The following PXDN variants were observed in gnomAD, a reference collection of about 807,000 sequenced individuals.
The protein encoded by PXDN is peroxidasin homolog.
Under a neutral mutation model 140.3 loss-of-function variants are expected in PXDN, and 77 were observed. That is an observed-to-expected ratio of 0.55 (90% confidence interval 0.46 to 0.66). PXDN has a LOEUF of 0.66. PXDN is among the 30% of genes least tolerant of loss of function. The pLI is 0.00. For synonymous variants in PXDN, 911 were observed against 857.4 expected (o/e 1.06, Z -1.09); for missense variants, 1,838 against 2,039.5 (o/e 0.90, Z 1.90).
intron 1 of PXDN, among the ~76,000 whole-genome samples, chr2:1,702,989 G>GGGTGGGCAACTCCAGGTGAA (rs1684473186): frequency 7.6e-5 from 8 of 104,954 alleles, no homozygotes; most frequent in African/African-American, 3.2e-4. Context: ...TCCAGGTGAA[G>GGGTGGGCAACTCCAGGTGAA]GGGGGGACAA....
Position 1,643,482 on chromosome 2 carries a change from T to A in PXDN, c.3838A>T (p.Asn1280Tyr), listed in dbSNP as rs774542319. The change falls in exon 19 of 23, where the codon AAC becomes TAC. Residue 1280 changes from asparagine to tyrosine, a missense_variant. Transcript: ENST00000252804. ...LARILCDNAD[N>Y]ITRVQSDVFR... The stretch of plus-strand genomic sequence containing the variant: ...ACGTCGCTCTGCACCCGGGTGATGT[T>A]GTCCGCGTTGTCGCATAGGATCCTG... 1 of 1,613,826 alleles carries A rather than the reference T, an allele frequency of 6.2e-7. No individual in the cohort carries two copies. Among genetic ancestry groups the A allele is most frequent in the Non-Finnish European group, 8.5e-7 (1 of 1,179,906 alleles).
chr2:1,655,935 A>C (rs1393441233), intron 14 of PXDN, among the ~76,000 whole-genome samples: 2 of 148,754 alleles, frequency 1.3e-5, no homozygotes, highest in Non-Finnish European at 2.9e-5. Context: ...CATACACACC[A>C]CACAAATACA....
At chr2:1,741,412 C>T (rs1402864823) in intron 1 of PXDN, among the ~76,000 whole-genome samples, 1 of 152,138 alleles carries the variant, frequency 6.6e-6, no homozygotes, top group Non-Finnish European at 1.5e-5. Context: ...GCCAAACCGC[C>T]GACCGAGCAG....
intron 1 of PXDN, among the ~76,000 whole-genome samples, chr2:1,719,663 G>A (rs1487607801): frequency 6.6e-6 from 1 of 152,164 alleles, no homozygotes; most frequent in Non-Finnish European, 1.5e-5. Context: ...GCTGGGCTAA[G>A]CCTGACCATC....
chr2:1,714,902 C>A lies in PXDN; in HGVS notation c.201-21768G>T, dbSNP rs923106007. Among the ~76,000 whole-genome samples, 1 of 152,148 alleles carries A rather than the reference C, an allele frequency of 6.6e-6. No individual in the cohort carries two copies. Among genetic ancestry groups the A allele is most frequent in the African/African-American group, 2.4e-5 (1 of 41,440 alleles). On this transcript the variant is annotated intron_variant, in intron 1 of 22. Transcript: ENST00000252804. The surrounding 1 kb of genome is among the most constrained non-coding windows in gnomAD (Gnocchi z 4.3). ...CTGGCCTGGCGCCCTGTCTTGCTCA[C>A]CCTGTCCCAGATTAACCTATGTCTA...
intron 19 of PXDN, among the ~76,000 whole-genome samples, chr2:1,641,247 G>A (rs1264281520): frequency 1.3e-5 from 2 of 152,142 alleles, no homozygotes; most frequent in Admixed American, 1.3e-4. Flanking sequence ...TGCCTCTTGG[G>A]TTCAAGCAAT....
intron 17 of PXDN, 101 bp from the exon 18 acceptor site, chr2:1,644,853 C>T (rs759923294): frequency 7.8e-5 from 95 of 1,216,012 alleles, no homozygotes; most frequent in Non-Finnish European, 1.0e-4. Context: ...CACTATTTTA[C>T]ATTATTTAGA....
intron 1 of PXDN, among the ~76,000 whole-genome samples, chr2:1,728,008 T>A (rs144823145): frequency 3.9e-5 from 6 of 152,318 alleles, no homozygotes; most frequent in African/African-American, 1.4e-4. Flanking sequence ...CAATCACAGC[T>A]CACTGCAGCC....
chr2:1,728,230 A>C (rs1365835997), intron 1 of PXDN, among the ~76,000 whole-genome samples: 1 of 152,256 alleles, frequency 6.6e-6, no homozygotes, highest in South Asian at 2.1e-4. Flanking sequence ...GAGCCACTGC[A>C]CCCAGCCAAC....
At chr2:1,692,492 C>G (rs986839966) in intron 2 of PXDN, 6 of 471,408 alleles carry the variant, frequency 1.3e-5, no homozygotes, top group African/African-American at 4.0e-5. Context: ...GATAGGCGGC[C>G]CAGACAGTCC....
At chr2:1,682,810 C>T (rs1035468366) in intron 6 of PXDN, among the ~76,000 whole-genome samples, 40 of 152,072 alleles carry the variant, frequency 2.6e-4, no homozygotes, top group African/African-American at 9.2e-4. Context: ...CGTGGTCGCA[C>T]GCGCCTGTAA....
At chr2:1,726,411 C>A (rs1685185086) in intron 1 of PXDN, among the ~76,000 whole-genome samples, 1 of 133,008 alleles carries the variant, frequency 7.5e-6, no homozygotes, top group Non-Finnish European at 1.5e-5. Flanking sequence ...GGGAACATCA[C>A]ACTCTGGGGA....
chr2:1,647,303 G>A (rs537172159), intron 17 of PXDN, among the ~76,000 whole-genome samples: 5 of 152,298 alleles, frequency 3.3e-5, no homozygotes, highest in African/African-American at 7.2e-5. Context: ...AAGGAGAGCC[G>A]CTGAATGTCT....
Position 1,743,154 on chromosome 2 carries a change from G to A in PXDN, c.200+1102C>T, listed in dbSNP as rs1269718091. ...AGGAGGCCTGCAGCGAACTCTGGCG[G>A]CATCTCGGTACCTGGAGCCGCGGGG... is the stretch of plus-strand genomic sequence containing the variant. On this transcript the variant is annotated intron_variant, in intron 1 of 22. Transcript: ENST00000252804. 2.6e-5 allele frequency among the ~76,000 whole-genome samples: 4 copies of A among 152,222 alleles called. No homozygotes were observed. In the East Asian group the frequency reaches 7.7e-4, roughly 29 times the overall value.
At chr2:1,692,134 ACGCTGAACC>A in intron 2 of PXDN, 135 bp from the exon 3 acceptor site, 1 of 662,774 alleles carries the variant, frequency 1.5e-6, no homozygotes. Context: ...CATTCAACGA[ACGCTGAACC>A]CGCAGGACAA....
chr2:1,680,222 G>A lies in PXDN; in HGVS notation c.701C>T (p.Ala234Val), dbSNP rs376902965. The A allele has an allele frequency of 8.3e-5, 132 of 1,595,134 alleles. No homozygotes were observed. The highest frequency in any genetic ancestry group is 1.1e-4 in the Non-Finnish European group (126 of 1,170,876). The change falls in exon 7 of 23, where the codon GCA becomes GTA. Residue 234 changes from alanine to valine, a missense_variant. Physicochemically the swap from Ala to Val is moderately conservative, Grantham distance 64. Around this residue, in one of 5 missense-constraint regions of PXDN, gnomAD observed 208 missense variants for 325.8 expected, o/e 0.64. Transcript: ENST00000252804. ...GTTCAGCTCTTCCGGGGTGATGGTT[G>A]CCACTGAGCGTCCCTGGATGCGTCT... is the stretch of plus-strand genomic sequence containing the variant. ...YPRRIQGRSV[A>V]TITPEELNCE...
intron 7 of PXDN, among the ~76,000 whole-genome samples, chr2:1,679,409 ATGT>A (rs1683813779): frequency 8.5e-6 from 1 of 117,382 alleles, no homozygotes; most frequent in South Asian, 2.9e-4. Context: ...TGGAGATGGT[ATGT>A]GCGTGTGTGG....
intron 21 of PXDN, chr2:1,635,984 C>T (rs1682548183): frequency 3.7e-6 from 1 of 272,806 alleles, no homozygotes; most frequent in Non-Finnish European, 7.0e-6. Context: ...GTAGCAGAAG[C>T]CTCCTGGAAG....
intron 1 of PXDN, among the ~76,000 whole-genome samples, chr2:1,705,938 G>A (rs534061361): frequency 2.6e-5 from 4 of 152,182 alleles, no homozygotes; most frequent in Middle Eastern, 3.4e-3. Context: ...GCAGTTCTCC[G>A]TCCATTACGG....
Sources: allele counts gnomAD v4.1 joint callset (sites outside exome capture counted in the v4.1 genomes callset), GRCh38; gene constraint gnomAD v4.1.1; regional missense constraint gnomAD v4.1.1; non-coding constraint Gnocchi (gnomAD v3.1); transcripts MANE v1.5; gene names NCBI Gene and HGNC (gene_info 2026-07-23, HGNC 2026-07-21).